Variants in ARL15 observed in about 807,000 individuals in gnomAD.
ARL15 encodes the protein ARF like GTPase 15.
A neutral mutation model predicts 25.2 loss-of-function variants in ARL15; 19 were observed. That is an observed-to-expected ratio of 0.75 (90% CI 0.53 to 1.10). The LOEUF is 1.10. Among genes scored for constraint, ARL15 ranks in the 50% least tolerant of loss-of-function variants. ARL15 has a pLI of 0.00. For missense variants in ARL15, 220 were observed against 246.0 expected, an observed-to-expected ratio of 0.89 and a Z score of 0.71; for synonymous variants, 94 against 86.8, an observed-to-expected ratio of 1.08 and a Z score of -0.46.
chr5:54,179,620 G>A (rs1754989078), intron 1 of ARL15, among the ~76,000 whole-genome samples: 1 of 152,054 alleles, frequency 6.6e-6, no homozygotes. Context: ...TGACTGGGAT[G>A]GAAGAAAAGG....
intron 4 of ARL15, among the ~76,000 whole-genome samples, chr5:53,920,515 AGTAT>A (rs1745815625): frequency 6.6e-6 from 1 of 151,986 alleles, no homozygotes; most frequent in Non-Finnish European, 1.5e-5. Flanking sequence ...TTTTTTAAAA[AGTAT>A]CTGCCAGCAG....
chr5:53,936,083 G>GAA (rs111918858), intron 4 of ARL15, among the ~76,000 whole-genome samples: 1 of 151,290 alleles, frequency 6.6e-6, no homozygotes, highest in Non-Finnish European at 1.5e-5. Context: ...GAAGAAAAAG[G>GAA]AAAAAAAAGA....
chr5:54,239,498 G>C lies in ARL15; in HGVS notation c.49-67570C>G, dbSNP rs534640534. 3.3e-5 allele frequency among the ~76,000 whole-genome samples: 5 copies of C among 152,278 alleles called. No homozygotes were observed. In the South Asian group the frequency reaches 1.0e-3, roughly 32 times the overall value. On this transcript the variant is annotated intron_variant, in intron 1 of 4. Transcript: ENST00000504924. ...GCATAAGGGAGTCTGTGTCCCTGTAGAAGAGGCTGCCAGGGGTTCCCCAAT... is the reference window on the plus strand; with the variant it reads ...GCATAAGGGAGTCTGTGTCCCTGTACAAGAGGCTGCCAGGGGTTCCCCAAT...
intron 1 of ARL15, among the ~76,000 whole-genome samples, chr5:54,203,180 C>T (rs927642628): frequency 7.2e-5 from 11 of 152,108 alleles, no homozygotes; most frequent in Non-Finnish European, 1.2e-4. Context: ...TCCCCACTCC[C>T]CCCTCACTGT....
At chr5:54,118,891 C>A (rs887152132) in intron 3 of ARL15, among the ~76,000 whole-genome samples, 4 of 152,208 alleles carry the variant, frequency 2.6e-5, no homozygotes, top group Non-Finnish European at 4.4e-5. Context: ...CAAAGTTCTA[C>A]GTACCATACA....
At chr5:53,978,005 C>A (rs1270794236) in intron 4 of ARL15, among the ~76,000 whole-genome samples, 1 of 152,182 alleles carries the variant, frequency 6.6e-6, no homozygotes, top group African/African-American at 2.4e-5. Flanking sequence ...TAGCACAAAA[C>A]CATCTAAGAG....
At chr5:53,929,085 T>A (rs1170642013) in intron 4 of ARL15, among the ~76,000 whole-genome samples, 2 of 151,692 alleles carry the variant, frequency 1.3e-5, no homozygotes, top group Non-Finnish European at 2.9e-5. Context: ...TTTATGAAGT[T>A]AGAGGGAAAC....
intron 4 of ARL15, among the ~76,000 whole-genome samples, chr5:53,915,700 G>A (rs1402021130): frequency 1.3e-5 from 2 of 152,132 alleles, no homozygotes; most frequent in Non-Finnish European, 2.9e-5. Context: ...TTGAAAAAGC[G>A]AAAGGAAGAA....
At chr5:54,057,058 C>T (rs897336624) in intron 4 of ARL15, among the ~76,000 whole-genome samples, 4 of 140,404 alleles carry the variant, frequency 2.8e-5, no homozygotes, top group African/African-American at 1.2e-4. Flanking sequence ...AATGTATAGT[C>T]TAATAAAAAA....
At chr5:54,053,491 G>T (rs191942867) in intron 4 of ARL15, among the ~76,000 whole-genome samples, 26 of 150,452 alleles carry the variant, frequency 1.7e-4, no homozygotes, top group African/African-American at 5.1e-4. Flanking sequence ...TATGAAAAAA[G>T]AAAAAAAATA....
chr5:54,163,889 T>C (rs968919936), intron 2 of ARL15, among the ~76,000 whole-genome samples: 1 of 152,008 alleles, frequency 6.6e-6, no homozygotes, highest in East Asian at 1.9e-4. Context: ...GGCTCTTCTA[T>C]TTCATTGATT....
At chr5:53,943,938 G>T (rs1489277470) in intron 4 of ARL15, among the ~76,000 whole-genome samples, 2 of 152,158 alleles carry the variant, frequency 1.3e-5, no homozygotes, top group Non-Finnish European at 2.9e-5. Flanking sequence ...AAAAGGAAAT[G>T]GAATTTTTAA....
chr5:54,308,228 A>G (rs988816300), intron 1 of ARL15, among the ~76,000 whole-genome samples: 22 of 152,268 alleles, frequency 1.4e-4, no homozygotes, highest in African/African-American at 4.8e-4. Flanking sequence ...CATCCAGTTT[A>G]ATGCTAAAGA....
rs1472685227 is a variant in ARL15 at position 54,028,572 on chromosome 5, T to TA, written c.462+84629dup. 5.3e-5 allele frequency among the ~76,000 whole-genome samples: 8 copies of TA among 152,000 alleles called. No individual in the cohort carries two copies. In the South Asian group the frequency reaches 1.0e-3, roughly 20 times the overall value. On this transcript the variant is annotated intron_variant, in intron 4 of 4. Transcript: ENST00000504924. ...ATTTTCTAAGTTTCTAGCAAAGTGT[T>TA]AGTTTCCTTAGATTTTTACCAATAT...
chr5:54,262,491 C>T (rs1483048838), intron 1 of ARL15, among the ~76,000 whole-genome samples: 1 of 152,132 alleles, frequency 6.6e-6, no homozygotes, highest in African/African-American at 2.4e-5. Context: ...ACTGCCTCTT[C>T]CCTAAAAAAT....
intron 1 of ARL15, among the ~76,000 whole-genome samples, chr5:54,274,195 G>A (rs1757862592): frequency 6.6e-6 from 1 of 152,028 alleles, no homozygotes; most frequent in African/African-American, 2.4e-5. Flanking sequence ...AGCAGGTTTA[G>A]GGGCAGCAAG....
At chr5:54,077,269 A>G (rs145748503) in intron 4 of ARL15, among the ~76,000 whole-genome samples, 63 of 152,316 alleles carry the variant, frequency 4.1e-4, no homozygotes, top group African/African-American at 1.4e-3. Flanking sequence ...TGGTAGGAAT[A>G]TCATGAAAAT....
At chr5:54,030,863 A>G (rs1238160105) in intron 4 of ARL15, among the ~76,000 whole-genome samples, 2 of 152,234 alleles carry the variant, frequency 1.3e-5, no homozygotes, top group African/African-American at 4.8e-5. Flanking sequence ...TGAAAGTGCC[A>G]TTCAAGCTAA....
chr5:54,111,330 T>C (rs13155899), intron 4 of ARL15, among the ~76,000 whole-genome samples: 1,621 of 152,184 alleles, frequency 0.011, 22 homozygotes, highest in Middle Eastern at 0.041. Flanking sequence ...CATTTATAAC[T>C]ATCAGTCTTA....
Sources: gnomAD v4.1 joint callset for allele counts (sites outside exome capture counted in the v4.1 genomes callset) on GRCh38, gnomAD v4.1.1 for gene constraint, MANE v1.5 for transcripts, NCBI Gene and HGNC (gene_info 2026-07-23, HGNC 2026-07-21) for gene names.